Variants in IKBKB observed in about 807,000 individuals in gnomAD.
IKBKB encodes the protein inhibitor of nuclear factor kappa-B kinase subunit beta.
IKBKB carries 42 observed loss-of-function variants against 113.6 expected under a neutral mutation model. The observed-to-expected ratio is 0.37, with a 90% CI of 0.29 to 0.48. The LOEUF is 0.48. Ranked by LOEUF, IKBKB falls within the 20% of genes least tolerant of loss-of-function variation. The pLI is 0.99. For synonymous variants in IKBKB, 296 were observed against 361.3 expected, an observed-to-expected ratio of 0.82 and a Z score of 2.05; for missense variants, 673 against 939.7, an observed-to-expected ratio of 0.72 and a Z score of 3.71.
chr8:42,314,560 A>C (rs1044300132), intron 9 of IKBKB, 131 bp downstream of exon 9: 2 of 666,606 alleles, frequency 3.0e-6, no homozygotes, highest in South Asian at 1.6e-5. Context: ...GGATCACCTG[A>C]GGTCAGGAGT....
intron 8 of IKBKB, among the ~76,000 whole-genome samples, chr8:42,310,253 G>A (rs564244616): frequency 1.3e-5 from 2 of 151,994 alleles, no homozygotes; most frequent in African/African-American, 4.8e-5. Flanking sequence ...ATTTTTTTTG[G>A]AACCGTAATA....
Position 42,305,226 on chromosome 8 carries a change from A to G in IKBKB, c.428A>G (p.His143Arg). Residue 143 changes from histidine (H) to arginine (R), a missense_variant, in exon 6 of 22, where the codon CAT becomes CGT. By Grantham distance (29) the His-to-Arg change is conservative. This residue lies in a region of IKBKB where 167 missense variants were observed against 301.0 expected (regional missense o/e 0.55). Transcript: ENST00000520810. ...TACCTTCATGAAAACAGAATCATCC[A>G]TCGGGATCTAAAGCCAGAAAACATC... ...LRYLHENRII[H>R]RDLKPENIVL... 1 of 1,614,056 alleles carries G rather than the reference A, an allele frequency of 6.2e-7. No individual in the cohort carries two copies. The highest frequency in any genetic ancestry group is 8.5e-7 in the Non-Finnish European group (1 of 1,179,932).
At chr8:42,284,210 A>G (rs1487360217) in intron 2 of IKBKB, among the ~76,000 whole-genome samples, 1 of 152,228 alleles carries the variant, frequency 6.6e-6, no homozygotes, top group African/African-American at 2.4e-5. Context: ...GGCAAGAGAC[A>G]AAAGGGACCA....
At chr8:42,314,282 A>G in intron 8 of IKBKB, 40 bp from the exon 9 acceptor site, 1 of 1,368,854 alleles carries the variant, frequency 7.3e-7, no homozygotes, top group Non-Finnish European at 1.0e-6. Flanking sequence ...TCCCCGTCAT[A>G]GCAACGTGTG....
chr8:42,276,766 G>A lies in IKBKB; in HGVS notation c.105+4561G>A, dbSNP rs1368966787. ...TCAGCTGAGACAGGTGCGATCTCGG[G>A]TCACTGCAGCCTCTATCTCCTGGGT... On this transcript the variant is annotated intron_variant, in intron 2 of 21. Transcript: ENST00000520810. Among the ~76,000 whole-genome samples, 6 of 150,766 alleles carry A rather than the reference G, an allele frequency of 4.0e-5. No individual in the cohort carries two copies. The East Asian group carries it at 1.2e-3, about 29-fold the overall frequency.
chr8:42,275,865 G>A (rs113717923), intron 2 of IKBKB, among the ~76,000 whole-genome samples: 5,343 of 151,606 alleles, frequency 0.035, 106 homozygotes, highest in Non-Finnish European at 0.042. Flanking sequence ...TTTTTGAGAC[G>A]GAGTCTTGCT....
In IKBKB at chr8:42,316,107, A is replaced by C; in HGVS notation, c.801-103A>C. ...TCTGATAAACCCATTTTCATTTTCA[A>C]TCACCGTCTACTGGCTGCCGTCTGT... On this transcript the variant is annotated intron_variant, in intron 9 of 21. Coordinates refer to ENST00000520810, the MANE Select transcript of IKBKB (RefSeq NM_001556.3). This position sits in a 1 kb window ranked among gnomAD's most constrained non-coding sequence, Gnocchi z 4.5. 1 of 1,279,730 alleles carries C rather than the reference A, an allele frequency of 7.8e-7. No homozygotes were observed. Among genetic ancestry groups the C allele is most frequent in the Non-Finnish European group, 1.1e-6 (1 of 922,802 alleles). The allele number at this position is 1,279,730 out of a possible 1,614,324, so 79.3% of individuals were successfully genotyped here.
rs945729378 is a variant in IKBKB at position 42,329,906 on chromosome 8, C to G, written c.2205+692C>G. Reference sequence around the variant, plus strand: ...CCTGCTAATCACTTGCTAACCTCCCCTAACTTTAAGCTTTTGGAAGAATTA... The same window carrying G: ...CCTGCTAATCACTTGCTAACCTCCCGTAACTTTAAGCTTTTGGAAGAATTA... On this transcript the variant is annotated intron_variant, in intron 21 of 21. Transcript: ENST00000520810. 5.1e-6 allele frequency: 5 copies of G among 985,318 alleles called. No homozygotes were observed. The African/African-American group carries it at 8.7e-5, about 17-fold the overall frequency. The allele number at this position is 985,318 out of a possible 1,614,324, so 61.0% of individuals were successfully genotyped here. A position where few individuals can be genotyped will look rare whatever the true frequency, so the allele number is the denominator to read the frequency against.
intron 8 of IKBKB, among the ~76,000 whole-genome samples, chr8:42,311,055 A>T (rs1354705366): frequency 6.6e-6 from 1 of 152,230 alleles, no homozygotes; most frequent in African/African-American, 2.4e-5. Flanking sequence ...CAGATTAAAG[A>T]GTTTGCACGT....
intron 2 of IKBKB, among the ~76,000 whole-genome samples, chr8:42,273,372 G>A (rs1213797054): frequency 2.0e-5 from 3 of 151,648 alleles, no homozygotes; most frequent in African/African-American, 7.3e-5. Context: ...CCGAGATAGT[G>A]TCACTGCATT....
intron 5 of IKBKB, among the ~76,000 whole-genome samples, chr8:42,299,044 C>T (rs1814554781): frequency 6.6e-6 from 1 of 152,160 alleles, no homozygotes; most frequent in Non-Finnish European, 1.5e-5. Context: ...GAATTCAACC[C>T]TGAACTCATC....
intron 12 of IKBKB, among the ~76,000 whole-genome samples, chr8:42,318,226 C>T (rs193297699): frequency 1.9e-4 from 29 of 150,020 alleles, no homozygotes; most frequent in Non-Finnish European, 5.9e-5. Flanking sequence ...ACCCCCACTG[C>T]ATGCCAGCCT....
At position 42,305,224 on chromosome 8, in the gene IKBKB, C is replaced by T. The variant is rs896346217; in HGVS notation, c.426C>T (p.Ile142=). The change falls in exon 6 of 22, where the codon ATC becomes ATT. Residue 142 remains isoleucine, a synonymous_variant. Transcript: ENST00000520810. ...ALRYLHENRI[I]HRDLKPENIV... The stretch of plus-strand genomic sequence containing the variant: ...GATACCTTCATGAAAACAGAATCAT[C>T]CATCGGGATCTAAAGCCAGAAAACA... 6.2e-7 allele frequency: 1 copy of T among 1,613,878 alleles called. No individual in the cohort carries two copies. Among genetic ancestry groups the T allele is most frequent in the Non-Finnish European group, 8.5e-7 (1 of 1,179,890 alleles).
chr8:42,309,108 A>T (rs947261113), intron 8 of IKBKB, 83 bp downstream of exon 8: 20 of 1,422,312 alleles, frequency 1.4e-5, no homozygotes, highest in African/African-American at 1.4e-5. Context: ...CTGGCGCCCC[A>T]TCACCGGGCC....
chr8:42,285,594 AG>A (rs1811263619), intron 2 of IKBKB, among the ~76,000 whole-genome samples: 2 of 152,334 alleles, frequency 1.3e-5, no homozygotes, highest in South Asian at 4.1e-4. Context: ...AATTGTTGAG[AG>A]AGGTCAGCTC....
rs1418549555 is a variant in IKBKB at position 42,332,420 on chromosome 8, A to G, written c.*1441A>G. 3 of 152,368 alleles carry G rather than the reference A, an allele frequency of 2.0e-5. No homozygotes were observed. In the East Asian group the frequency reaches 5.8e-4, roughly 29 times the overall value. 9.4% of individuals were successfully genotyped at this position (152,368 alleles called of 1,614,324 possible). On this transcript the variant is annotated 3_prime_UTR_variant, in exon 22 of 22. Coordinates refer to ENST00000520810, the MANE Select transcript of IKBKB (RefSeq NM_001556.3). ...GAAACATGTATTAACATTCCAATGA[A>G]CTAGCATTTAATAAAGCACAATTTT... is the stretch of plus-strand genomic sequence containing the variant.
At chr8:42,299,104 G>A (rs1352899307) in intron 5 of IKBKB, among the ~76,000 whole-genome samples, 1 of 152,094 alleles carries the variant, frequency 6.6e-6, no homozygotes, top group Non-Finnish European at 1.5e-5. Context: ...GTCAATTCCA[G>A]TAGAAGCTCT....
chr8:42,286,162 A>G (rs1811377375), intron 2 of IKBKB, among the ~76,000 whole-genome samples: 1 of 152,216 alleles, frequency 6.6e-6, no homozygotes. Context: ...CTTTGATGAA[A>G]GCAGCTTCTG....
chr8:42,276,783 C>A (rs1809196773), intron 2 of IKBKB, among the ~76,000 whole-genome samples: 2 of 151,000 alleles, frequency 1.3e-5, no homozygotes, highest in Non-Finnish European at 2.9e-5. Context: ...CAGCCTCTAT[C>A]TCCTGGGTTC....
Sources: gnomAD v4.1 joint callset for allele counts (sites outside exome capture counted in the v4.1 genomes callset) on GRCh38, gnomAD v4.1.1 for gene constraint, gnomAD v4.1.1 regional missense constraint, Gnocchi (gnomAD v3.1) non-coding constraint, MANE v1.5 for transcripts, NCBI Gene and HGNC (gene_info 2026-07-23, HGNC 2026-07-21) for gene names.